The following ARL8B variants were observed in gnomAD, a reference collection of about 807,000 sequenced individuals.
ARL8B encodes the protein ADP-ribosylation factor-like protein 8B.
ARL8B carries 9 observed loss-of-function variants against 30.6 expected under a neutral mutation model. The ratio of observed to expected loss-of-function variants is 0.29; its 90% CI spans 0.18 to 0.51. The LOEUF (loss-of-function observed/expected upper bound fraction) is 0.51. ARL8B is among the 20% of genes least tolerant of loss of function. The pLI, the probability that ARL8B is intolerant of heterozygous loss-of-function variation, is 0.97. For synonymous variants in ARL8B, 74 were observed against 76.0 expected, an observed-to-expected ratio of 0.97 and a Z score of 0.14; for missense variants, 130 against 227.2, an observed-to-expected ratio of 0.57 and a Z score of 2.75.
chr3:5,150,368 TAGG>T (rs2054469973), intron 1 of ARL8B, among the ~76,000 whole-genome samples: 1 of 141,106 alleles, frequency 7.1e-6, no homozygotes, highest in Admixed American at 7.2e-5. Flanking sequence ...GAGGCTGAGG[TAGG>T]AGAATTGCTT....
intron 1 of ARL8B, among the ~76,000 whole-genome samples, chr3:5,165,818 A>C (rs2054618988): frequency 6.6e-6 from 1 of 152,176 alleles, no homozygotes; most frequent in African/African-American, 2.4e-5. Flanking sequence ...TGCTTTCTGC[A>C]TGTCTTCATT....
rs148680433 is a variant in ARL8B at position 5,148,217 on chromosome 3, T to C, written c.124-22286T>C. On this transcript the variant is annotated intron_variant, in intron 1 of 6. Transcript: ENST00000256496. ...GGACTGCTAAACTGAGGGCATCCTCTAGGAGTGATTTCATTTCCTTCTTGA... is the reference window on the plus strand; with the variant it reads ...GGACTGCTAAACTGAGGGCATCCTCCAGGAGTGATTTCATTTCCTTCTTGA... Among the ~76,000 whole-genome samples, 1,379 of 152,244 alleles carry C rather than the reference T, an allele frequency of 9.1e-3. 18 individuals carry two copies. The highest frequency in any genetic ancestry group is 0.031 in the African/African-American group (1,294 of 41,540).
chr3:5,175,633 A>G lies in ARL8B; in HGVS notation c.511+1219A>G, dbSNP rs199810297. ...AACAAGGTGGCTTAGAACAGCAGAAACTTAAGTCATTCAAAATTCTAGAGG... is the reference window on the plus strand; with the variant it reads ...AACAAGGTGGCTTAGAACAGCAGAAGCTTAAGTCATTCAAAATTCTAGAGG... On this transcript the variant is annotated intron_variant, in intron 6 of 6. Transcript: ENST00000256496. Among the ~76,000 whole-genome samples, 26 of 152,250 alleles carry G rather than the reference A, an allele frequency of 1.7e-4. 1 individual carries two copies. Among genetic ancestry groups the G allele is most frequent in the East Asian group, 9.6e-4 (5 of 5,202 alleles).
intron 2 of ARL8B, among the ~76,000 whole-genome samples, chr3:5,171,898 TA>T (rs2054680147): frequency 6.6e-6 from 1 of 152,232 alleles, no homozygotes; most frequent in African/African-American, 2.4e-5. Flanking sequence ...CTATTGCACA[TA>T]AACCAAATCT....
intron 1 of ARL8B, among the ~76,000 whole-genome samples, chr3:5,147,897 G>A (rs568247447): frequency 1.2e-4 from 18 of 149,508 alleles, no homozygotes; most frequent in Non-Finnish European, 2.1e-4. Context: ...GTTGAATCTC[G>A]AATGCCTTTA....
intron 1 of ARL8B, among the ~76,000 whole-genome samples, chr3:5,152,848 GT>G (rs1575567450): frequency 6.6e-6 from 1 of 152,146 alleles, no homozygotes. Context: ...CATTTTGACA[GT>G]TTCTGTCTTT....
intron 1 of ARL8B, among the ~76,000 whole-genome samples, chr3:5,130,430 T>C (rs2106553651): frequency 6.6e-6 from 1 of 152,268 alleles, no homozygotes; most frequent in Non-Finnish European, 1.5e-5. Context: ...TTAGAAGTAT[T>C]GGTAGATTGC....
chr3:5,136,080 G>A (rs1011097389), intron 1 of ARL8B, among the ~76,000 whole-genome samples: 5 of 151,096 alleles, frequency 3.3e-5, no homozygotes, highest in South Asian at 2.1e-4. Flanking sequence ...GAGCCATCAC[G>A]CCTGGCCTAT....
chr3:5,154,885 G>A (rs1026212028), intron 1 of ARL8B, among the ~76,000 whole-genome samples: 1 of 132,976 alleles, frequency 7.5e-6, no homozygotes. Flanking sequence ...GGATTTTTGT[G>A]GTTGTTTTTG....
chr3:5,135,756 CT>C (rs2054319185), intron 1 of ARL8B, among the ~76,000 whole-genome samples: 2 of 126,910 alleles, frequency 1.6e-5, no homozygotes, highest in African/African-American at 5.8e-5. Context: ...CGCACCTGGC[CT>C]ATTATTATTA....
In ARL8B at chr3:5,179,210, G is replaced by C. The variant is rs2054756086; in HGVS notation, c.*497G>C. 6.5e-6 allele frequency: 1 copy of C among 152,776 alleles called. No individual in the cohort carries two copies. 9.5% of individuals were successfully genotyped at this position (152,776 alleles called of 1,614,324 possible). A position where few individuals can be genotyped will look rare whatever the true frequency, so the allele number is the denominator to read the frequency against. On this transcript the variant is annotated 3_prime_UTR_variant, in exon 7 of 7. Coordinates refer to ENST00000256496, the MANE Select transcript of ARL8B (RefSeq NM_018184.3). ...CGTGAATGACTCATGTGGGATATAT[G>C]TAAACATAATGTTTATTTTATCTCA... is the stretch of plus-strand genomic sequence containing the variant.
At chr3:5,164,002 C>A (rs2054603455) in intron 1 of ARL8B, among the ~76,000 whole-genome samples, 1 of 152,150 alleles carries the variant, frequency 6.6e-6, no homozygotes, top group African/African-American at 2.4e-5. Context: ...TCGGTAGATG[C>A]GGGGGATTGG....
At chr3:5,170,643 C>A in intron 2 of ARL8B, 60 bp downstream of exon 2, 2 of 1,309,708 alleles carry the variant, frequency 1.5e-6, no homozygotes, top group Non-Finnish European at 2.1e-6. Context: ...AGAAATTTTT[C>A]TGTTAAATTT....
intron 1 of ARL8B, among the ~76,000 whole-genome samples, chr3:5,126,057 G>C (rs1358735617): frequency 6.6e-6 from 1 of 151,248 alleles, no homozygotes; most frequent in East Asian, 1.9e-4. Flanking sequence ...AAAGACATCT[G>C]GGCTGTAATT....
At chr3:5,128,162 C>CAAAAAA (rs35084667) in intron 1 of ARL8B, among the ~76,000 whole-genome samples, 2 of 53,168 alleles carry the variant, frequency 3.8e-5, no homozygotes, top group Admixed American at 2.0e-4. Flanking sequence ...AAATCCGTCT[C>CAAAAAA]AAAAAAAAAA....
intron 1 of ARL8B, among the ~76,000 whole-genome samples, chr3:5,137,355 A>G (rs142153608): frequency 6.6e-6 from 1 of 151,878 alleles, no homozygotes; most frequent in Non-Finnish European, 1.5e-5. Context: ...CTGAGTGGGA[A>G]TTCAATTTCA....
chr3:5,158,066 C>G (rs139241392), intron 1 of ARL8B, among the ~76,000 whole-genome samples: 150 of 152,216 alleles, frequency 9.9e-4, no homozygotes, highest in Non-Finnish European at 1.5e-3. Flanking sequence ...GCCTCCGCCT[C>G]CTGGGTTCAA....
At chr3:5,168,940 T>C (rs2054646481) in intron 1 of ARL8B, among the ~76,000 whole-genome samples, 1 of 152,196 alleles carries the variant, frequency 6.6e-6, no homozygotes, top group Admixed American at 6.5e-5. Context: ...GATTAAAGCC[T>C]ATCACAATAA....
intron 6 of ARL8B, among the ~76,000 whole-genome samples, chr3:5,176,316 C>T (rs980652833): frequency 2.6e-5 from 4 of 152,090 alleles, no homozygotes; most frequent in Admixed American, 6.5e-5. Flanking sequence ...CAGCAACCTC[C>T]ACTTCCCGGG....
Sources: gnomAD v4.1 joint callset for allele counts (sites outside exome capture counted in the v4.1 genomes callset) on GRCh38, gnomAD v4.1.1 for gene constraint, MANE v1.5 for transcripts, NCBI Gene and HGNC (gene_info 2026-07-23, HGNC 2026-07-21) for gene names.